ZBTB40: variants seen among roughly 807,000 people sequenced by gnomAD.
ZBTB40 encodes zinc finger and BTB domain containing 40, also known as zinc finger and BTB domain-containing protein 40.
Under a neutral mutation model 117.5 loss-of-function variants are expected in ZBTB40, and 60 were observed. The ratio of observed to expected loss-of-function variants is 0.51; its 90% CI spans 0.41 to 0.63. The LOEUF (loss-of-function observed/expected upper bound fraction) is 0.63, where lower values mean the gene tolerates loss of function less well. Ranked by LOEUF, ZBTB40 falls within the 30% of genes least tolerant of loss-of-function variation. ZBTB40 has a pLI of 0.00. For missense variants in ZBTB40, 1,287 were observed against 1,498.5 expected (o/e 0.86, Z 2.33); for synonymous variants, 525 against 577.1 (o/e 0.91, Z 1.29).
intron 1 of ZBTB40, among the ~76,000 whole-genome samples, chr1:22,478,006 A>G (rs576676293): frequency 2.0e-5 from 3 of 152,368 alleles, no homozygotes; most frequent in African/African-American, 7.2e-5. Flanking sequence ...ATAAACGTAC[A>G]TAGTTTACTT....
At chr1:22,506,915 A>G (rs1324534337) in intron 6 of ZBTB40, among the ~76,000 whole-genome samples, 5 of 152,244 alleles carry the variant, frequency 3.3e-5, no homozygotes, top group Non-Finnish European at 7.4e-5. Flanking sequence ...TGTTTTATCT[A>G]TCACTTTTAT....
intron 1 of ZBTB40, among the ~76,000 whole-genome samples, chr1:22,432,673 G>A (rs1195067758): frequency 2.0e-5 from 3 of 152,058 alleles, no homozygotes; most frequent in Non-Finnish European, 4.4e-5. Flanking sequence ...GATTTCCATG[G>A]TTTTTGTCTC....
chr1:22,444,286 G>C (rs999320666), intron 1 of ZBTB40, among the ~76,000 whole-genome samples: 1 of 152,088 alleles, frequency 6.6e-6, no homozygotes, highest in East Asian at 1.9e-4. Flanking sequence ...TGGGCGTGGT[G>C]GTGGGCACCT....
At chr1:22,429,964 T>C (rs1640556640) in intron 1 of ZBTB40, among the ~76,000 whole-genome samples, 1 of 152,114 alleles carries the variant, frequency 6.6e-6, no homozygotes, top group Admixed American at 6.5e-5. Context: ...GCCATTGCAC[T>C]CCAGCCTGGG....
chr1:22,520,452 C>T (rs1331908616), intron 14 of ZBTB40, among the ~76,000 whole-genome samples, 177 bp downstream of exon 14: 1 of 152,184 alleles, frequency 6.6e-6, no homozygotes, highest in East Asian at 1.9e-4. Context: ...GAGATCTGGT[C>T]GGAGTGCTGC....
At position 22,530,693 on chromosome 1, in the gene ZBTB40, T is replaced by A. The variant is rs1439354738; in HGVS notation, c.*4297T>A. 1 of 152,306 alleles carries A rather than the reference T, an allele frequency of 6.6e-6. No individual in the cohort carries two copies. The highest frequency in any genetic ancestry group is 1.5e-5 in the Non-Finnish European group (1 of 68,040). The allele number at this position is 152,306 out of a possible 1,614,324, so 9.4% of individuals were successfully genotyped here. A position where few individuals can be genotyped will look rare whatever the true frequency, so the allele number is the denominator to read the frequency against. ...AATAAAATATGTACTTTGAAAAAAA[T>A]TAGGCTACATGAGTTTCAAATGGAC... On this transcript the variant is annotated 3_prime_UTR_variant, in exon 18 of 18. Coordinates refer to ENST00000375647, the MANE Select transcript of ZBTB40 (RefSeq NM_014870.4).
Position 22,526,450 on chromosome 1 carries a change from A to G in ZBTB40, c.*54A>G. ...GCGTTTGCAGCAGAGAGGAGGCCCC[A>G]CAGCTTGCCCTTTGCCCTCCATCCC... On this transcript the variant is annotated 3_prime_UTR_variant, in exon 18 of 18. Transcript: ENST00000375647. 1 of 1,609,184 alleles carries G rather than the reference A, an allele frequency of 6.2e-7. No individual in the cohort carries two copies. The highest frequency in any genetic ancestry group is 8.5e-7 in the Non-Finnish European group (1 of 1,178,542).
intron 1 of ZBTB40, among the ~76,000 whole-genome samples, chr1:22,461,704 T>A (rs1641138072): frequency 6.6e-6 from 1 of 152,166 alleles, no homozygotes; most frequent in East Asian, 1.9e-4. Context: ...GTCTGTAGTC[T>A]CTTCAGTGCT....
chr1:22,522,838 T>A (rs1639571253), intron 16 of ZBTB40, among the ~76,000 whole-genome samples: 1 of 151,078 alleles, frequency 6.6e-6, no homozygotes, highest in African/African-American at 2.4e-5. Flanking sequence ...CGATCTCAGA[T>A]CACTGCAACC....
At chr1:22,522,283 G>T in intron 15 of ZBTB40, 94 bp from the exon 16 acceptor site, 1 of 1,148,882 alleles carries the variant, frequency 8.7e-7, no homozygotes, top group South Asian at 1.2e-5. Flanking sequence ...GCTAAGTATT[G>T]GCCATCGCCC....
intron 1 of ZBTB40, among the ~76,000 whole-genome samples, chr1:22,485,861 A>T (rs1018583432): frequency 4.6e-5 from 7 of 151,654 alleles, no homozygotes; most frequent in African/African-American, 1.7e-4. Context: ...CATTTCTGTT[A>T]TGGTGTTTTT....
At chr1:22,436,353 TA>T (rs1640670535) in intron 1 of ZBTB40, among the ~76,000 whole-genome samples, 1 of 150,700 alleles carries the variant, frequency 6.6e-6, no homozygotes, top group Non-Finnish European at 1.5e-5. Flanking sequence ...CTACTAAAAA[TA>T]CAAAAAAATT....
chr1:22,486,034 G>A (rs1638457401), intron 1 of ZBTB40, among the ~76,000 whole-genome samples: 1 of 151,524 alleles, frequency 6.6e-6, no homozygotes, highest in Non-Finnish European at 1.5e-5. Context: ...GGACATTCTT[G>A]CTATATCTGA....
At chr1:22,442,045 C>T (rs75896200) in intron 1 of ZBTB40, among the ~76,000 whole-genome samples, 4,093 of 152,124 alleles carry the variant, frequency 0.027, 147 homozygotes, top group Admixed American at 0.093. Flanking sequence ...TTTAAGAATG[C>T]GTTGTTTAAT....
chr1:22,468,009 A>G (rs1021998951), intron 1 of ZBTB40, among the ~76,000 whole-genome samples: 15 of 151,630 alleles, frequency 9.9e-5, no homozygotes, highest in Non-Finnish European at 2.2e-4. Flanking sequence ...GGATTGCTTC[A>G]GCCCAGGTGG....
At chr1:22,488,571 G>A (rs1557501018) in intron 1 of ZBTB40, among the ~76,000 whole-genome samples, 1 of 152,202 alleles carries the variant, frequency 6.6e-6, no homozygotes, top group Non-Finnish European at 1.5e-5. Flanking sequence ...AGGTCAGCAA[G>A]GAAGGCAGAG....
intron 13 of ZBTB40, among the ~76,000 whole-genome samples, chr1:22,518,182 A>G (rs1639426094): frequency 6.6e-6 from 1 of 152,152 alleles, no homozygotes; most frequent in Non-Finnish European, 1.5e-5. Context: ...GAGTGTAATC[A>G]GCACAGCACA....
chr1:22,496,360 C>T (rs878963028), intron 3 of ZBTB40, among the ~76,000 whole-genome samples: 17 of 152,122 alleles, frequency 1.1e-4, no homozygotes, highest in African/African-American at 1.9e-4. Context: ...TCAGAGATCC[C>T]GTTCTCATCC....
chr1:22,431,384 G>GTGTGTGTGTA (rs1222294324), intron 1 of ZBTB40, among the ~76,000 whole-genome samples: 28 of 119,692 alleles, frequency 2.3e-4, no homozygotes, highest in African/African-American at 1.0e-3. Flanking sequence ...GTGTGTGTGT[G>GTGTGTGTGTA]TATATATATA....
Sources: allele counts gnomAD v4.1 joint callset (sites outside exome capture counted in the v4.1 genomes callset), GRCh38; gene constraint gnomAD v4.1.1; transcripts MANE v1.5; gene names NCBI Gene and HGNC (gene_info 2026-07-23, HGNC 2026-07-21).